The following ANKRD12 variants were observed in gnomAD, a reference collection of about 807,000 sequenced individuals.
ANKRD12 encodes the protein ankyrin repeat domain 12.
ANKRD12 carries 85 observed loss-of-function variants against 183.4 expected under a neutral mutation model. That is an observed-to-expected ratio of 0.46 (90% CI 0.39 to 0.56). The LOEUF is 0.56. Ranked by LOEUF, ANKRD12 falls within the 20% of genes least tolerant of loss-of-function variation. ANKRD12 has a pLI of 0.00. For synonymous variants in ANKRD12, 914 were observed against 800.2 expected (o/e 1.14, Z -2.40); for missense variants, 2,405 against 2,357.1 (o/e 1.02, Z -0.42).
chr18:9,279,484 C>G, intron 11 of ANKRD12, 65 bp from the exon 12 acceptor site: 1 of 934,186 alleles, frequency 1.1e-6, no homozygotes, highest in Middle Eastern at 3.2e-4. Flanking sequence ...CATAAAAATA[C>G]TATAATGGCA....
At chr18:9,170,661 T>C (rs1301737716) in intron 1 of ANKRD12, among the ~76,000 whole-genome samples, 1 of 152,188 alleles carries the variant, frequency 6.6e-6, no homozygotes, top group African/African-American at 2.4e-5. Context: ...GAATTTCCTC[T>C]TGTAGCTCGG....
chr18:9,187,269 T>A (rs1271594768), intron 2 of ANKRD12, among the ~76,000 whole-genome samples: 4 of 151,774 alleles, frequency 2.6e-5, no homozygotes, highest in African/African-American at 9.7e-5. Flanking sequence ...AAAAAAAAAA[T>A]TAGCTGGATG....
At chr18:9,203,697 T>A (rs982547068) in intron 3 of ANKRD12, among the ~76,000 whole-genome samples, 4 of 152,122 alleles carry the variant, frequency 2.6e-5, no homozygotes, top group African/African-American at 9.7e-5. Context: ...CCCGGCCACC[T>A]GGGTTCAAGT....
rs750735687 is a variant in ANKRD12, at chr18:9,273,227, G to A, written c.5764-2297G>A. 5.7e-4 allele frequency among the ~76,000 whole-genome samples: 86 copies of A among 152,200 alleles called. 1 individual carries two copies. In the Middle Eastern group the frequency reaches 0.01, roughly 18 times the overall value. ...GTTGGGATCTGCAGCTGGACCCCAG[G>A]AATTCTCAGTTTGCTAAATGCAGAA... On this transcript the variant is annotated intron_variant, in intron 10 of 12. Coordinates refer to ENST00000262126, the MANE Select transcript of ANKRD12 (RefSeq NM_015208.5).
chr18:9,148,946 T>A lies in ANKRD12; in HGVS notation c.-52+11981T>A, dbSNP rs192750227. 6.0e-4 allele frequency among the ~76,000 whole-genome samples: 91 copies of A among 152,302 alleles called. 1 individual carries two copies. Among genetic ancestry groups the A allele is most frequent in the African/African-American group, 2.2e-3 (91 of 41,550 alleles). ...CCCACTCTGCTTCAGTTTTTTGCTG[T>A]TCCTTCATTGTGGTCTGCTTTTGTG... On this transcript the variant is annotated intron_variant, in intron 1 of 12. Transcript: ENST00000262126.
intron 10 of ANKRD12, among the ~76,000 whole-genome samples, chr18:9,270,710 T>C (rs2039555279): frequency 1.3e-5 from 2 of 152,196 alleles, no homozygotes; most frequent in African/African-American, 4.8e-5. Flanking sequence ...GGCACATGTA[T>C]ACATATGTAA....
intron 8 of ANKRD12, among the ~76,000 whole-genome samples, chr18:9,231,581 A>T (rs532323849): frequency 9.9e-5 from 15 of 151,998 alleles, no homozygotes; most frequent in African/African-American, 2.9e-4. Context: ...TAATCCCAGC[A>T]CTTTGGGAGG....
At chr18:9,274,511 A>C (rs1019366603) in intron 10 of ANKRD12, among the ~76,000 whole-genome samples, 1 of 152,208 alleles carries the variant, frequency 6.6e-6, no homozygotes, top group African/African-American at 2.4e-5. Flanking sequence ...TCATAGAGAC[A>C]AAAGTTAGAT....
intron 1 of ANKRD12, among the ~76,000 whole-genome samples, chr18:9,175,523 C>CTTTTTTTTTTTTTTTTTT (rs33944736): frequency 3.8e-5 from 2 of 53,302 alleles, no homozygotes; most frequent in Non-Finnish European, 6.4e-5. Context: ...AAAGGCTCCT[C>CTTTTTTTTTTTTTTTTTT]TTTTTTTTTT....
At chr18:9,147,738 G>A (rs1193131806) in intron 1 of ANKRD12, among the ~76,000 whole-genome samples, 1 of 152,106 alleles carries the variant, frequency 6.6e-6, no homozygotes, top group Non-Finnish European at 1.5e-5. Context: ...ACTGTATGCA[G>A]AACAAAACTA....
At chr18:9,249,431 T>C (rs2145105117) in intron 8 of ANKRD12, among the ~76,000 whole-genome samples, 1 of 152,310 alleles carries the variant, frequency 6.6e-6, no homozygotes, top group East Asian at 1.9e-4. Context: ...ACAGAATGCA[T>C]TGGGGATATT....
chr18:9,257,467 C>G lies in ANKRD12; in HGVS notation c.4200C>G (p.Asp1400Glu), dbSNP rs770149064. The G allele has an allele frequency of 1.9e-6, 3 of 1,614,120 alleles. No homozygotes were observed. The highest frequency in any genetic ancestry group is 2.5e-6 in the Non-Finnish European group (3 of 1,179,996). Reference protein sequence around the residue: ...KNTAPVNTVMDSPVHLEPSSQ... With the variant: ...KNTAPVNTVMESPVHLEPSSQ... ...CTGCCCCAGTGAACACTGTAATGGA[C>G]AGTCCAGTGCATTTAGAGCCATCTA... The change falls in exon 9 of 13, where the codon GAC becomes GAG. Residue 1400 changes from aspartate (D) to glutamate (E), a missense_variant. Coordinates refer to ENST00000262126, the MANE Select transcript of ANKRD12 (RefSeq NM_015208.5).
rs774003403 is a variant in ANKRD12 at position 9,255,804 on chromosome 18, AGAT to A, written c.2538_2540del (p.Ile847del). 6.3e-7 allele frequency: 1 copy of A among 1,575,388 alleles called. No homozygotes were observed. Among genetic ancestry groups the A allele is most frequent in the Non-Finnish European group, 8.5e-7 (1 of 1,169,868 alleles). ...AGAAAAACCTTTGAAAAAGAAAAGA[AGAT>A]AAAACATGAGCATAAGTCAGAAAAA... On this transcript the variant is annotated inframe_deletion, in exon 9 of 13. Coordinates refer to ENST00000262126, the MANE Select transcript of ANKRD12 (RefSeq NM_015208.5).
intron 8 of ANKRD12, among the ~76,000 whole-genome samples, chr18:9,233,734 G>A (rs1383396536): frequency 1.3e-5 from 2 of 152,240 alleles, no homozygotes; most frequent in African/African-American, 4.8e-5. Flanking sequence ...GGTGCAGTTA[G>A]TGGAGTTTAT....
intron 8 of ANKRD12, among the ~76,000 whole-genome samples, chr18:9,250,399 G>A (rs1393622061): frequency 1.3e-5 from 2 of 152,156 alleles, no homozygotes; most frequent in Non-Finnish European, 2.9e-5. Context: ...GACAGTAGTA[G>A]TGGGAATAGA....
chr18:9,215,111 A>G (rs1339696198), intron 6 of ANKRD12, among the ~76,000 whole-genome samples: 2 of 152,164 alleles, frequency 1.3e-5, no homozygotes, highest in Non-Finnish European at 2.9e-5. Context: ...CATTAAGAAA[A>G]TCAGTGAGGA....
In ANKRD12 at chr18:9,256,889, T is replaced by C; in HGVS notation, c.3622T>C (p.Ser1208Pro). The change falls in exon 9 of 13, where the codon TCT becomes CCT. Residue 1208 changes from serine (S) to proline (P), a missense_variant. Coordinates refer to ENST00000262126, the MANE Select transcript of ANKRD12 (RefSeq NM_015208.5). Reference sequence around the variant, plus strand: ...CAGCTCCAGATCTGTATCCATGATTTCTGTTGCTAGTTCAGAAGATTCCTG... The same window carrying C: ...CAGCTCCAGATCTGTATCCATGATTCCTGTTGCTAGTTCAGAAGATTCCTG... ...GLSSRSVSMI[S>P]VASSEDSCHT... is the part of the protein sequence containing the mutation. 1 of 1,613,960 alleles carries C rather than the reference T, an allele frequency of 6.2e-7. No homozygotes were observed. Among genetic ancestry groups the C allele is most frequent in the African/African-American group, 1.3e-5 (1 of 75,030 alleles).
intron 10 of ANKRD12, among the ~76,000 whole-genome samples, chr18:9,265,324 C>T (rs548568925): frequency 3.3e-5 from 5 of 152,356 alleles, no homozygotes; most frequent in African/African-American, 4.8e-5. Context: ...GACAGACTGC[C>T]TTCTCAAGTG....
In ANKRD12 at chr18:9,211,654, G is replaced by A. The variant is rs2144638309; in HGVS notation, c.522G>A (p.Gln174=). ...QKKTPSSSSR[Q]KDKVNKRNER... is the part of the protein sequence containing the mutation. ...AAACTCCCAGTTCTTCATCTCGACA[G>A]AAAGATAAAGTTAATAAAAGAAATG... is the stretch of plus-strand genomic sequence containing the variant. Residue 174 remains glutamine, a synonymous_variant, in exon 6 of 13, where the codon CAG becomes CAA. Transcript: ENST00000262126. The A allele has an allele frequency of 6.2e-7, 1 of 1,613,790 alleles. No homozygotes were observed. Among genetic ancestry groups the A allele is most frequent in the Admixed American group, 1.7e-5 (1 of 59,996 alleles).
Sources: allele counts gnomAD v4.1 joint callset (sites outside exome capture counted in the v4.1 genomes callset), GRCh38; gene constraint gnomAD v4.1.1; transcripts MANE v1.5; gene names NCBI Gene and HGNC (gene_info 2026-07-23, HGNC 2026-07-21).